The following RASL10B variants were observed in gnomAD, a reference collection of about 807,000 sequenced individuals.
RASL10B encodes RAS like family 10 member B.
Under a neutral mutation model 20.7 loss-of-function variants are expected in RASL10B, and 10 were observed. The observed-to-expected ratio is 0.48, with a 90% CI of 0.30 to 0.82. The LOEUF is 0.82. Among genes scored for constraint, RASL10B ranks in the 40% least tolerant of loss-of-function variants. The pLI is 0.07. For synonymous variants in RASL10B, 110 were observed against 123.3 expected, an observed-to-expected ratio of 0.89 and a Z score of 0.72; for missense variants, 231 against 295.4, an observed-to-expected ratio of 0.78 and a Z score of 1.60.
intron 1 of RASL10B, among the ~76,000 whole-genome samples, chr17:35,732,134 C>T (rs2085562166): frequency 6.6e-6 from 1 of 152,134 alleles, no homozygotes; most frequent in African/African-American, 2.4e-5. Context: ...AAACTCCTAC[C>T]AATCAGGTCA....
At chr17:35,732,836 C>G (rs1195743362) in intron 1 of RASL10B, among the ~76,000 whole-genome samples, 1 of 152,280 alleles carries the variant, frequency 6.6e-6, no homozygotes, top group Admixed American at 6.5e-5. Flanking sequence ...TCCCCACCTG[C>G]CTGTACTGGT....
chr17:35,741,143 C>G lies in RASL10B; in HGVS notation c.450C>G (p.Thr150=). 1.2e-6 allele frequency: 2 copies of G among 1,613,588 alleles called. No homozygotes were observed. The highest frequency in any genetic ancestry group is 1.1e-5 in the South Asian group (1 of 91,084). The change falls in exon 4 of 4, where the codon ACC becomes ACG. Residue 150 remains threonine, a synonymous_variant. Transcript: ENST00000603017. ...ACGTGTCGCACCTGGTACGCAAGAC[C>G]TGGAAGTGCGGCTACGTGGAATGCT... The part of the protein sequence containing the change: ...RWNVSHLVRK[T]WKCGYVECSA...
Position 35,735,178 on chromosome 17 carries a change from G to A in RASL10B, c.-7G>A, listed in dbSNP as rs782336759. ...CAAGGACGAGGTGGCGGAGTGGGGCGGGAGGCATGGTCTCCACCTACCGGG... is the reference window on the plus strand; with the variant it reads ...CAAGGACGAGGTGGCGGAGTGGGGCAGGAGGCATGGTCTCCACCTACCGGG... On this transcript the variant is annotated 5_prime_UTR_variant, in exon 2 of 4. Coordinates refer to ENST00000603017, the MANE Select transcript of RASL10B (RefSeq NM_033315.4). The surrounding 1 kb of genome is among the most constrained non-coding windows in gnomAD (Gnocchi z 6.7). The A allele has an allele frequency of 1.9e-5, 31 of 1,605,780 alleles. No homozygotes were observed. The highest frequency in any genetic ancestry group is 2.5e-5 in the Non-Finnish European group (30 of 1,177,846).
Position 35,742,080 on chromosome 17 carries a change from TG to T in RASL10B, c.*778del, listed in dbSNP as rs1217066450. On this transcript the variant is annotated 3_prime_UTR_variant, in exon 4 of 4. Transcript: ENST00000603017. ...CTGACCCCAAAGCCAGATCACCCCCTGGGTTAAAACTTTTTTTCTTTTTTTT... is the reference window on the plus strand; with the variant it reads ...CTGACCCCAAAGCCAGATCACCCCCTGGTTAAAACTTTTTTTCTTTTTTTT... The T allele has an allele frequency of 6.8e-6, 1 of 146,470 alleles. No homozygotes were observed. Among genetic ancestry groups the T allele is most frequent in the African/African-American group, 2.6e-5 (1 of 38,122 alleles). 9.1% of individuals were successfully genotyped at this position (146,470 alleles called of 1,614,324 possible).
intron 2 of RASL10B, among the ~76,000 whole-genome samples, chr17:35,737,300 C>T (rs2085599099): frequency 6.6e-6 from 1 of 152,152 alleles, no homozygotes; most frequent in East Asian, 1.9e-4. Context: ...AGCCACTGTG[C>T]TTGGCGCTGT....
chr17:35,733,807 G>T (rs371521963), intron 1 of RASL10B, among the ~76,000 whole-genome samples: 5 of 152,370 alleles, frequency 3.3e-5, no homozygotes, highest in Admixed American at 1.3e-4. Flanking sequence ...ATGTGCAGAA[G>T]CATGGCTCCA....
intron 2 of RASL10B, chr17:35,736,718 A>G (rs1436321373): frequency 2.0e-5 from 3 of 152,136 alleles, no homozygotes; most frequent in African/African-American, 7.2e-5. Context: ...CACTCTCTAT[A>G]ACCACTCTTA....
chr17:35,739,462 A>G (rs2085614568), intron 2 of RASL10B, among the ~76,000 whole-genome samples: 2 of 152,042 alleles, frequency 1.3e-5, no homozygotes, highest in South Asian at 4.1e-4. Context: ...TGAATCTGTT[A>G]AGGAAACTTC....
Position 35,735,615 on chromosome 17 carries a change from A to G in RASL10B, c.216+215A>G, listed in dbSNP as rs1443748833. Among the ~76,000 whole-genome samples the G allele has an allele frequency of 6.6e-6, 1 of 152,226 alleles. No individual in the cohort carries two copies. The highest frequency in any genetic ancestry group is 2.4e-5 in the African/African-American group (1 of 41,454). Reference sequence around the variant, plus strand: ...TCAACAAATATTTGGTGACCGTTCAATGTGTGCCAGGCCCTGCAGTGGGCA... The same window carrying G: ...TCAACAAATATTTGGTGACCGTTCAGTGTGTGCCAGGCCCTGCAGTGGGCA... On this transcript the variant is annotated intron_variant, in intron 2 of 3. Coordinates refer to ENST00000603017, the MANE Select transcript of RASL10B (RefSeq NM_033315.4). This position sits in a 1 kb window ranked among gnomAD's most constrained non-coding sequence, Gnocchi z 6.7.
chr17:35,734,184 G>T (rs2085575680), intron 1 of RASL10B, among the ~76,000 whole-genome samples: 1 of 152,184 alleles, frequency 6.6e-6, no homozygotes, highest in African/African-American at 2.4e-5. Flanking sequence ...TACTCGGGAG[G>T]CTGAGGCAGG....
At chr17:35,736,483 C>T (rs1555597236) in intron 2 of RASL10B, among the ~76,000 whole-genome samples, 1 of 152,232 alleles carries the variant, frequency 6.6e-6, no homozygotes, top group Non-Finnish European at 1.5e-5. Context: ...GTTCACCCAT[C>T]CCAGGCACCT....
intron 2 of RASL10B, among the ~76,000 whole-genome samples, chr17:35,738,674 T>A (rs901985142): frequency 2.0e-5 from 3 of 152,170 alleles, no homozygotes; most frequent in Non-Finnish European, 2.9e-5. Context: ...GGAACCCTGC[T>A]TCCTCCCTTC....
At chr17:35,732,793 C>T (rs2085566395) in intron 1 of RASL10B, among the ~76,000 whole-genome samples, 1 of 152,094 alleles carries the variant, frequency 6.6e-6, no homozygotes, top group South Asian at 2.1e-4. Context: ...CTTGGCGTTC[C>T]TTGCCCTCTC....
intron 1 of RASL10B, among the ~76,000 whole-genome samples, chr17:35,734,573 G>T (rs2085577855): frequency 6.6e-6 from 1 of 152,216 alleles, no homozygotes; most frequent in African/African-American, 2.4e-5. Flanking sequence ...ACCTCTTGGG[G>T]GCCACGGAAA....
chr17:35,734,237 G>A (rs1267200384), intron 1 of RASL10B, among the ~76,000 whole-genome samples: 2 of 152,220 alleles, frequency 1.3e-5, no homozygotes, highest in Admixed American at 6.5e-5. Flanking sequence ...AGTGAGTCGA[G>A]ATCATGCCAC....
At position 35,740,428 on chromosome 17, in the gene RASL10B, G is replaced by A. The variant is rs1555597736; in HGVS notation, c.236G>A (p.Cys79Tyr). The A allele has an allele frequency of 6.2e-7, 1 of 1,613,862 alleles. No individual in the cohort carries two copies. The highest frequency in any genetic ancestry group is 8.5e-7 in the Non-Finnish European group (1 of 1,179,876). Residue 79 changes from cysteine (C) to tyrosine (Y), a missense_variant, in exon 3 of 4, where the codon TGC becomes TAC. By Grantham distance (194) the Cys-to-Tyr change is radical. Transcript: ENST00000603017. ...NTLQEWADTC[C>Y]RGLRSVHAYI... ...TTGCAGGAGTGGGCAGACACCTGCT[G>A]CAGGGGACTCCGGAGTGTCCACGCC...
chr17:35,740,970 G>A, intron 3 of RASL10B, 65 bp from the exon 4 acceptor site: 1 of 1,407,060 alleles, frequency 7.1e-7, no homozygotes, highest in Non-Finnish European at 9.8e-7. Context: ...GGCACAGCCT[G>A]CCCTGCTGGG....
intron 2 of RASL10B, among the ~76,000 whole-genome samples, chr17:35,738,784 C>T (rs1555597534): frequency 6.6e-6 from 1 of 152,140 alleles, no homozygotes; most frequent in East Asian, 1.9e-4. Flanking sequence ...CAGGAGTTCC[C>T]CTCAAGGAGG....
Position 35,741,565 on chromosome 17 carries a change from G to A in RASL10B, c.*260G>A. 2.3e-6 allele frequency: 1 copy of A among 438,242 alleles called. No individual in the cohort carries two copies. Among genetic ancestry groups the A allele is most frequent in the Non-Finnish European group, 3.8e-6 (1 of 261,986 alleles). The allele number at this position is 438,242 out of a possible 1,614,324, so 27.1% of individuals were successfully genotyped here. ...TAGTGCAGTGCCCGGCCCGACCCGC[G>A]GGGGTGCCACAGCCTTTTGGGATGG... is the stretch of plus-strand genomic sequence containing the variant. On this transcript the variant is annotated 3_prime_UTR_variant, in exon 4 of 4. Coordinates refer to ENST00000603017, the MANE Select transcript of RASL10B (RefSeq NM_033315.4).
Sources: gnomAD v4.1 joint callset for allele counts (sites outside exome capture counted in the v4.1 genomes callset) on GRCh38, gnomAD v4.1.1 for gene constraint, Gnocchi (gnomAD v3.1) non-coding constraint, MANE v1.5 for transcripts, NCBI Gene and HGNC (gene_info 2026-07-23, HGNC 2026-07-21) for gene names.